The following CNTN4 variants were observed in gnomAD, a reference collection of about 807,000 sequenced individuals.
CNTN4 encodes contactin 4.
In CNTN4, 77 loss-of-function variants were observed where a neutral mutation model predicts 122.5. That is an observed-to-expected ratio of 0.63 (90% CI 0.52 to 0.76). The LOEUF (loss-of-function observed/expected upper bound fraction) is 0.76. Ranked by LOEUF, CNTN4 falls within the 30% of genes least tolerant of loss-of-function variation. The pLI, the probability that CNTN4 is intolerant of heterozygous loss-of-function variation, is 0.00. For synonymous variants in CNTN4, 512 were observed against 447.0 expected, an observed-to-expected ratio of 1.15 and a Z score of -1.83; for missense variants, 1,256 against 1,259.1, an observed-to-expected ratio of 1.00 and a Z score of 0.04.
chr3:2,831,012 T>C (rs1443666684), intron 7 of CNTN4, among the ~76,000 whole-genome samples: 1 of 152,188 alleles, frequency 6.6e-6, no homozygotes, highest in East Asian at 1.9e-4. Flanking sequence ...CTAGGAGTCT[T>C]AGGCACAAAT....
chr3:2,367,142 C>G (rs1454498489), intron 3 of CNTN4, among the ~76,000 whole-genome samples: 2 of 151,738 alleles, frequency 1.3e-5, no homozygotes, highest in African/African-American at 2.4e-5. Flanking sequence ...AAAGCAGTTT[C>G]TAGCATAAAC....
chr3:2,400,437 A>ATATATATG (rs2046813283), intron 3 of CNTN4, among the ~76,000 whole-genome samples: 2 of 136,046 alleles, frequency 1.5e-5, no homozygotes, highest in African/African-American at 5.2e-5. Context: ...ACATATATAT[A>ATATATATG]TATATATATA....
At chr3:2,635,041 T>C (rs973859461) in intron 4 of CNTN4, among the ~76,000 whole-genome samples, 5 of 152,152 alleles carry the variant, frequency 3.3e-5, no homozygotes, top group Non-Finnish European at 5.9e-5. Flanking sequence ...GCAAGACAGA[T>C]ATCTCGGAAC....
intron 4 of CNTN4, among the ~76,000 whole-genome samples, chr3:2,667,059 A>G (rs2084212052): frequency 6.6e-6 from 1 of 152,230 alleles, no homozygotes; most frequent in Non-Finnish European, 1.5e-5. Flanking sequence ...ATATGTGTGC[A>G]TGTGTCTTTA....
intron 6 of CNTN4, among the ~76,000 whole-genome samples, chr3:2,785,811 T>G (rs2091788204): frequency 6.6e-6 from 1 of 151,572 alleles, no homozygotes; most frequent in Non-Finnish European, 1.5e-5. Context: ...CCCTCAAGCC[T>G]GGACTCATGG....
At chr3:2,676,474 G>A (rs536846793) in intron 4 of CNTN4, among the ~76,000 whole-genome samples, 21 of 152,100 alleles carry the variant, frequency 1.4e-4, no homozygotes, top group African/African-American at 1.7e-4. Flanking sequence ...CGGCTGCCTC[G>A]GCCTCCCAGA....
chr3:2,203,662 G>A (rs2038210291), intron 2 of CNTN4, among the ~76,000 whole-genome samples: 1 of 152,028 alleles, frequency 6.6e-6, no homozygotes, highest in Admixed American at 6.6e-5. Context: ...GAGGGAGCAG[G>A]CACTAAGTCA....
intron 12 of CNTN4, among the ~76,000 whole-genome samples, chr3:2,920,787 T>C (rs1275909048): frequency 1.4e-5 from 2 of 142,266 alleles, no homozygotes; most frequent in Non-Finnish European, 3.1e-5. Flanking sequence ...AATAATCTCA[T>C]GATTGTAAAA....
chr3:2,187,114 A>G (rs2037308074), intron 2 of CNTN4, among the ~76,000 whole-genome samples: 1 of 152,184 alleles, frequency 6.6e-6, no homozygotes, highest in South Asian at 2.1e-4. Context: ...ATAAGGTGTA[A>G]GGAAGGGATC....
chr3:2,801,510 G>A (rs2092346057), intron 6 of CNTN4, among the ~76,000 whole-genome samples: 1 of 152,140 alleles, frequency 6.6e-6, no homozygotes, highest in Non-Finnish European at 1.5e-5. Context: ...AATTAAATAA[G>A]ATAATTTTTC....
intron 4 of CNTN4, among the ~76,000 whole-genome samples, chr3:2,627,667 G>C (rs1423502424): frequency 2.6e-5 from 4 of 151,664 alleles, no homozygotes; most frequent in East Asian, 1.9e-4. Context: ...CTAATTTTTT[G>C]TATTTTTAGT....
intron 14 of CNTN4, among the ~76,000 whole-genome samples, chr3:3,006,974 G>C (rs1696715506): frequency 6.6e-6 from 1 of 152,148 alleles, no homozygotes; most frequent in South Asian, 2.1e-4. Flanking sequence ...ATTTATCCAA[G>C]AGCAATGTCT....
At chr3:2,546,794 G>T (rs2078264194) in intron 3 of CNTN4, among the ~76,000 whole-genome samples, 1 of 152,102 alleles carries the variant, frequency 6.6e-6, no homozygotes, top group African/African-American at 2.4e-5. Context: ...ATGGCCATGG[G>T]CTATCCTGGC....
At chr3:2,794,026 A>G (rs561706404) in intron 6 of CNTN4, among the ~76,000 whole-genome samples, 2 of 152,304 alleles carry the variant, frequency 1.3e-5, no homozygotes, top group East Asian at 3.9e-4. Context: ...TGGTGGTGAC[A>G]TTTGTAGCAT....
chr3:2,471,276 T>C (rs771403873), intron 3 of CNTN4, among the ~76,000 whole-genome samples: 1 of 152,210 alleles, frequency 6.6e-6, no homozygotes, highest in Non-Finnish European at 1.5e-5. Flanking sequence ...GAGAGACTGA[T>C]AGACTTGATT....
At chr3:2,613,966 G>A (rs766531826) in intron 4 of CNTN4, among the ~76,000 whole-genome samples, 23 of 152,036 alleles carry the variant, frequency 1.5e-4, no homozygotes, top group Non-Finnish European at 2.8e-4. Flanking sequence ...TCTAACCCTC[G>A]TGGATACAGT....
intron 14 of CNTN4, among the ~76,000 whole-genome samples, chr3:3,024,600 T>C (rs1019319320): frequency 6.6e-6 from 1 of 152,100 alleles, no homozygotes; most frequent in African/African-American, 2.4e-5. Flanking sequence ...CACATTAATC[T>C]ACTTATCATG....
chr3:2,823,748 G>A (rs746039229), intron 7 of CNTN4, among the ~76,000 whole-genome samples: 2 of 152,014 alleles, frequency 1.3e-5, no homozygotes, highest in African/African-American at 2.4e-5. Flanking sequence ...TCCAATATAC[G>A]AAAATTTCTA....
Position 2,923,897 on chromosome 3 carries a change from T to C in CNTN4, c.1208-1732T>C, listed in dbSNP as rs960796262. 2.0e-5 allele frequency among the ~76,000 whole-genome samples: 3 copies of C among 152,322 alleles called. 1 individual carries two copies. The highest frequency in any genetic ancestry group is 2.0e-4 in the Admixed American group (3 of 15,300). ...TCTTTTTCATAAACCCTACAATTTT[T>C]ATTGCATGATTTTGCAGACCATAGA... On this transcript the variant is annotated intron_variant, in intron 12 of 24. Coordinates refer to ENST00000418658, the MANE Select transcript of CNTN4 (RefSeq NM_175607.3).
Sources: gnomAD v4.1 joint callset for allele counts (sites outside exome capture counted in the v4.1 genomes callset) on GRCh38, gnomAD v4.1.1 for gene constraint, MANE v1.5 for transcripts, NCBI Gene and HGNC (gene_info 2026-07-23, HGNC 2026-07-21) for gene names.